Variants in DNAH9 observed in about 807,000 individuals in gnomAD.
The protein encoded by DNAH9 is DNAH9 variant protein.
Under a neutral mutation model 471.6 loss-of-function variants are expected in DNAH9, and 345 were observed. The observed-to-expected ratio is 0.73, with a 90% confidence interval of 0.67 to 0.80. DNAH9 has a LOEUF of 0.80. DNAH9 is among the 30% of genes least tolerant of loss of function. The pLI is 0.00. For missense variants in DNAH9, 5,407 were observed against 5,609.2 expected (o/e 0.96, Z 1.15); for synonymous variants, 2,093 against 2,123.6 (o/e 0.99, Z 0.40).
Position 11,679,963 on chromosome 17 carries a change from T to C in DNAH9, c.3560T>C (p.Val1187Ala). Residue 1187 changes from valine to alanine, a missense_variant, in exon 18 of 69, where the codon GTG (valine) becomes GCG (alanine). Transcript: ENST00000262442. Reference protein sequence around the residue: ...KTYEQELPETVFKQLEELPEK... With the variant: ...KTYEQELPETAFKQLEELPEK... ...TATGAACAAGAATTGCCAGAAACAG[T>C]GTTTAAGCAGCTGGAGGTCAGTGCA... 1 of 1,613,650 alleles carries C rather than the reference T, an allele frequency of 6.2e-7. No homozygotes were observed. Among genetic ancestry groups the C allele is most frequent in the Non-Finnish European group, 8.5e-7 (1 of 1,179,642 alleles).
chr17:11,962,121 G>T lies in DNAH9; in HGVS notation c.13098G>T (p.Lys4366Asn). 1 of 1,614,192 alleles carries T rather than the reference G, an allele frequency of 6.2e-7. No homozygotes were observed. The highest frequency in any genetic ancestry group is 8.5e-7 in the Non-Finnish European group (1 of 1,180,046). Reference protein sequence around the residue: ...LTAIMQSTARKNEWPLDQMAL... With the variant: ...LTAIMQSTARNNEWPLDQMAL... ...CCATCATGCAGTCCACGGCTCGCAA[G>T]AATGAGTGGCCACTGGACCAGATGG... The change falls in exon 68 of 69, where the codon AAG becomes AAT. Residue 4366 changes from lysine (K) to asparagine (N), a missense_variant. Coordinates refer to ENST00000262442, the MANE Select transcript of DNAH9 (RefSeq NM_001372.4). The surrounding 1 kb of genome is among the most constrained non-coding windows in gnomAD (Gnocchi z 4.1).
chr17:11,800,148 G>A (rs751811895), intron 43 of DNAH9, among the ~76,000 whole-genome samples: 24 of 152,092 alleles, frequency 1.6e-4, no homozygotes, highest in Non-Finnish European at 3.4e-4. Flanking sequence ...ATTTCACTGG[G>A]ATAATGAAAG....
At chr17:11,627,817 C>T (rs939028123) in intron 6 of DNAH9, among the ~76,000 whole-genome samples, 3 of 152,124 alleles carry the variant, frequency 2.0e-5, no homozygotes, top group Non-Finnish European at 4.4e-5. Flanking sequence ...CCCAAATCTG[C>T]GTGGGTACCC....
rs1244187183 is a variant in DNAH9 at position 11,769,157 on chromosome 17, G to C, written c.7380G>C (p.Val2460=). The part of the protein sequence containing the change: ...CLVHTSETIR[V]CYFMERLMAR... The stretch of plus-strand genomic sequence containing the variant: ...TGCACACGAGTGAGACCATCCGTGT[G>C]TGCTACTTCATGGAGCGGTTGATGG... The change falls in exon 38 of 69, where the codon GTG becomes GTC. Residue 2460 remains valine (V), a synonymous_variant. Transcript: ENST00000262442. The C allele has an allele frequency of 1.2e-6, 2 of 1,614,240 alleles. No individual in the cohort carries two copies. The highest frequency in any genetic ancestry group is 1.7e-6 in the Non-Finnish European group (2 of 1,180,030).
At chr17:11,793,275 G>C (rs558924997) in intron 41 of DNAH9, among the ~76,000 whole-genome samples, 1 of 152,306 alleles carries the variant, frequency 6.6e-6, no homozygotes, top group East Asian at 1.9e-4. Context: ...AAGTCACATA[G>C]TGGTTGTGCA....
At position 11,923,785 on chromosome 17, in the gene DNAH9, T is replaced by C. The variant is rs188172667; in HGVS notation, c.11750-29T>C. ...AACATCCATCATTAGACACAAGAAA[T>C]AATAATGACGCCTCCATCCTCCTTT... is the stretch of plus-strand genomic sequence containing the variant. On this transcript the variant is annotated intron_variant, in intron 61 of 68. Coordinates refer to ENST00000262442, the MANE Select transcript of DNAH9 (RefSeq NM_001372.4). The C allele has an allele frequency of 9.9e-6, 16 of 1,611,088 alleles. No homozygotes were observed. The African/African-American group carries it at 1.9e-4, about 19-fold the overall frequency.
intron 50 of DNAH9, among the ~76,000 whole-genome samples, chr17:11,865,565 C>T (rs1972018139): frequency 6.6e-6 from 1 of 152,044 alleles, no homozygotes; most frequent in Non-Finnish European, 1.5e-5. Flanking sequence ...GAATGTTGGC[C>T]TGCCTTGCTA....
At position 11,822,438 on chromosome 17, in the gene DNAH9, G is replaced by A; in HGVS notation, c.8851G>A (p.Val2951Met). The A allele has an allele frequency of 1.2e-6, 2 of 1,614,068 alleles. No individual in the cohort carries two copies. Among genetic ancestry groups the A allele is most frequent in the Non-Finnish European group, 1.7e-6 (2 of 1,180,016 alleles). ...TCTCCCCACCCTTCTGACTTCTCAG[G>A]TGACTCTCTGTTTCTCCCCTGTGGG... ...FIDRIRRQLK[V>M]TLCFSPVGNK... The change falls in exon 47 of 69, where the codon GTG becomes ATG. Residue 2951 changes from valine to methionine, a missense_variant and splice_region_variant. Val to Met is a conservative substitution (Grantham distance 21). This residue lies in a region of DNAH9 where 4,636 missense variants were observed against 4,900.3 expected (regional missense o/e 0.95). Transcript: ENST00000262442.
In DNAH9 at chr17:11,932,882, G is replaced by T. The variant is rs372852343; in HGVS notation, c.12297+677G>T. On this transcript the variant is annotated intron_variant, in intron 64 of 68. Transcript: ENST00000262442. This position sits in a 1 kb window ranked among gnomAD's most constrained non-coding sequence, Gnocchi z 4.3. ...CGCCTGATATAAGTTCCCAAACTTC[G>T]CTAACAATCAGTGCTCTTCCAGTTA... 1.3e-5 allele frequency among the ~76,000 whole-genome samples: 2 copies of T among 152,168 alleles called. No homozygotes were observed. Among genetic ancestry groups the T allele is most frequent in the Non-Finnish European group, 2.9e-5 (2 of 68,040 alleles).
intron 57 of DNAH9, among the ~76,000 whole-genome samples, chr17:11,889,290 C>T (rs964429708): frequency 2.0e-5 from 3 of 152,222 alleles, no homozygotes; most frequent in African/African-American, 4.8e-5. Context: ...GGTCTCAAAT[C>T]GGAAGCCCAA....
chr17:11,881,121 A>C (rs1160402860), intron 54 of DNAH9, 88 bp from the exon 55 acceptor site: 1 of 1,188,854 alleles, frequency 8.4e-7, no homozygotes, highest in Non-Finnish European at 1.2e-6. Flanking sequence ...TGAATATAGC[A>C]ATATTGTTTG....
intron 26 of DNAH9, among the ~76,000 whole-genome samples, chr17:11,716,653 T>G (rs902694262): frequency 3.9e-5 from 6 of 152,230 alleles, no homozygotes; most frequent in Non-Finnish European, 8.8e-5. Flanking sequence ...TCAGGAACTC[T>G]TAACTTTTTC....
intron 27 of DNAH9, among the ~76,000 whole-genome samples, chr17:11,723,988 T>C (rs371513198): frequency 1.1e-4 from 17 of 152,272 alleles, no homozygotes; most frequent in Non-Finnish European, 1.9e-4. Context: ...AAAATTGAAT[T>C]TTTAAAACAT....
chr17:11,732,642 A>AT (rs1471831158), intron 28 of DNAH9, among the ~76,000 whole-genome samples: 2 of 42,594 alleles, frequency 4.7e-5, no homozygotes, highest in East Asian at 2.4e-3. Context: ...CAGTGTGTCA[A>AT]TTCCAAAAAA....
At chr17:11,785,904 C>T (rs1202141960) in intron 41 of DNAH9, among the ~76,000 whole-genome samples, 1 of 152,140 alleles carries the variant, frequency 6.6e-6, no homozygotes, top group Non-Finnish European at 1.5e-5. Flanking sequence ...CAGCTCTGAG[C>T]CTATAAAGCC....
At chr17:11,847,115 T>G (rs1256788585) in intron 49 of DNAH9, among the ~76,000 whole-genome samples, 4 of 152,222 alleles carry the variant, frequency 2.6e-5, no homozygotes, top group South Asian at 4.1e-4. Flanking sequence ...ATTAGACTTT[T>G]GTCAGATCCA....
At chr17:11,815,000 C>G (rs1309461468) in intron 45 of DNAH9, among the ~76,000 whole-genome samples, 2 of 152,050 alleles carry the variant, frequency 1.3e-5, no homozygotes, top group Admixed American at 1.3e-4. Flanking sequence ...AAGCAACCAT[C>G]AAGCATGCAC....
At chr17:11,654,146 G>A (rs2073575259) in intron 14 of DNAH9, among the ~76,000 whole-genome samples, 1 of 67,986 alleles carries the variant, frequency 1.5e-5, no homozygotes, top group African/African-American at 5.2e-5. Flanking sequence ...ACGAGGTCAG[G>A]AGATCGAGAC....
At chr17:11,881,583 A>G (rs1972723614) in intron 55 of DNAH9, among the ~76,000 whole-genome samples, 170 bp downstream of exon 55, 2 of 152,124 alleles carry the variant, frequency 1.3e-5, no homozygotes, top group African/African-American at 2.4e-5. Context: ...TACTGGGGAA[A>G]GAAGGATGGG....
Sources: allele counts gnomAD v4.1 joint callset (sites outside exome capture counted in the v4.1 genomes callset), GRCh38; gene constraint gnomAD v4.1.1; regional missense constraint gnomAD v4.1.1; non-coding constraint Gnocchi (gnomAD v3.1); transcripts MANE v1.5; gene names NCBI Gene and HGNC (gene_info 2026-07-23, HGNC 2026-07-21).